The following AVL9 variants were observed in gnomAD, a reference collection of about 807,000 sequenced individuals.
The protein encoded by AVL9 is AVL9 cell migration associated.
A neutral mutation model predicts 79.2 loss-of-function variants in AVL9; 49 were observed. That is an observed-to-expected ratio of 0.62 (90% CI 0.49 to 0.79). The LOEUF is 0.79. Ranked by LOEUF, AVL9 falls within the 30% of genes least tolerant of loss-of-function variation. The pLI, the probability that AVL9 is intolerant of heterozygous loss-of-function variation, is 0.00. For synonymous variants in AVL9, 299 were observed against 280.6 expected (o/e 1.07, Z -0.65); for missense variants, 682 against 776.8 (o/e 0.88, Z 1.45).
intron 1 of AVL9, among the ~76,000 whole-genome samples, chr7:32,526,367 A>G (rs1185951602): frequency 2.0e-5 from 3 of 152,210 alleles, no homozygotes; most frequent in African/African-American, 4.8e-5. Context: ...GCTCCAGTTC[A>G]TAACCACTTG....
intron 1 of AVL9, among the ~76,000 whole-genome samples, chr7:32,506,951 T>C (rs1195999960): frequency 6.6e-6 from 1 of 152,140 alleles, no homozygotes; most frequent in Non-Finnish European, 1.5e-5. Context: ...TGAACATTGA[T>C]GCAAAAATCC....
At chr7:32,539,980 G>C (rs1789101992) in intron 1 of AVL9, among the ~76,000 whole-genome samples, 1 of 152,190 alleles carries the variant, frequency 6.6e-6, no homozygotes, top group Non-Finnish European at 1.5e-5. Flanking sequence ...CCTAGCTCAA[G>C]ATCCTTAATC....
Position 32,497,729 on chromosome 7 carries a change from A to G in AVL9, c.93+1927A>G, listed in dbSNP as rs535727912. 1.7e-3 allele frequency among the ~76,000 whole-genome samples: 250 copies of G among 149,508 alleles called. 4 individuals carry two copies. Among genetic ancestry groups the G allele is most frequent in the South Asian group, 8.9e-3 (42 of 4,734 alleles). On this transcript the variant is annotated intron_variant, in intron 1 of 15. Transcript: ENST00000318709. ...GGAGTGCAGTGGAGCTCGGCTCACT[A>G]CAAGCTCTGCCTCCTGGGTTCACAC...
At chr7:32,500,209 C>G (rs180800284) in intron 1 of AVL9, among the ~76,000 whole-genome samples, 1 of 152,268 alleles carries the variant, frequency 6.6e-6, no homozygotes, top group Admixed American at 6.5e-5. Context: ...ACACTTCCAT[C>G]AATAGTGTAA....
chr7:32,513,414 C>T (rs1175929109), intron 1 of AVL9, among the ~76,000 whole-genome samples: 1 of 152,208 alleles, frequency 6.6e-6, no homozygotes, highest in Non-Finnish European at 1.5e-5. Context: ...TACTTGGAGG[C>T]TTCATCTGCA....
chr7:32,585,459 T>TG lies in AVL9; in HGVS notation c.*1555dup, dbSNP rs1171323048. 1 of 152,196 alleles carries TG rather than the reference T, an allele frequency of 6.6e-6. No individual in the cohort carries two copies. The highest frequency in any genetic ancestry group is 1.5e-5 in the Non-Finnish European group (1 of 68,054). 9.4% of individuals were successfully genotyped at this position (152,196 alleles called of 1,614,324 possible). A position where few individuals can be genotyped will look rare whatever the true frequency, so the allele number is the denominator to read the frequency against. ...CTCTCATTTGCTTTTCAAGGATACC[T>TG]GGGATGGCTGTTCTCAGAGAGTACT... On this transcript the variant is annotated 3_prime_UTR_variant, in exon 16 of 16. Coordinates refer to ENST00000318709, the MANE Select transcript of AVL9 (RefSeq NM_015060.3).
chr7:32,571,155 C>A (rs1306662265), intron 11 of AVL9, among the ~76,000 whole-genome samples: 1 of 146,646 alleles, frequency 6.8e-6, no homozygotes, highest in Non-Finnish European at 1.5e-5. Context: ...TCACTTGAAC[C>A]TTGGAGGTGG....
rs773361016 is a variant in AVL9 at position 32,559,357 on chromosome 7, A to G, written c.1108A>G (p.Ile370Val). ...KDSVPSESLP[I>V]TVQPQANTGQ... The stretch of plus-strand genomic sequence containing the variant: ...CTCTGTCCCCTCAGAGAGTCTTCCA[A>G]TTACTGTACAACCTCAAGCTAATAC... Residue 370 changes from isoleucine (I) to valine (V), a missense_variant, in exon 10 of 16, where the codon ATT becomes GTT. Coordinates refer to ENST00000318709, the MANE Select transcript of AVL9 (RefSeq NM_015060.3). 7 of 1,613,990 alleles carry G rather than the reference A, an allele frequency of 4.3e-6. No homozygotes were observed. The highest frequency in any genetic ancestry group is 2.2e-5 in the East Asian group (1 of 44,886).
intron 1 of AVL9, among the ~76,000 whole-genome samples, chr7:32,510,647 A>G (rs1426631271): frequency 1.5e-5 from 2 of 134,936 alleles, no homozygotes; most frequent in African/African-American, 2.8e-5. Flanking sequence ...GAGGGAAACC[A>G]TCTCCCCAGG....
intron 10 of AVL9, among the ~76,000 whole-genome samples, chr7:32,567,599 TG>T (rs1324382161): frequency 3.3e-5 from 5 of 152,062 alleles, no homozygotes; most frequent in African/African-American, 4.8e-5. Flanking sequence ...TGTTTTCTTC[TG>T]GGGGTATTCT....
At chr7:32,568,614 T>G (rs1163483316) in intron 10 of AVL9, among the ~76,000 whole-genome samples, 1 of 152,220 alleles carries the variant, frequency 6.6e-6, no homozygotes. Flanking sequence ...AGTTTTTTGG[T>G]ATTGCATTTA....
At chr7:32,569,500 AAATATTTAGTAAC>A (rs1790728543) in intron 10 of AVL9, among the ~76,000 whole-genome samples, 1 of 152,234 alleles carries the variant, frequency 6.6e-6, no homozygotes, top group South Asian at 2.1e-4. Flanking sequence ...TTTTTGCTTT[AAATATTTAGTAAC>A]AAATATCTTG....
rs878973321 is a variant in AVL9 at position 32,551,488 on chromosome 7, G to A, written c.462+65G>A. The A allele has an allele frequency of 8.0e-6, 7 of 871,740 alleles. No individual in the cohort carries two copies. The Middle Eastern group carries it at 1.3e-3, about 168-fold the overall frequency. The allele number at this position is 871,740 out of a possible 1,614,324, so 54.0% of individuals were successfully genotyped here. A position where few individuals can be genotyped will look rare whatever the true frequency, so the allele number is the denominator to read the frequency against. On this transcript the variant is annotated intron_variant, in intron 5 of 15. Transcript: ENST00000318709. ...TAGACTCATGAATCAAGTAAATATTGTCAGTAATACTGTGAAGGATAATTA... is the reference window on the plus strand; with the variant it reads ...TAGACTCATGAATCAAGTAAATATTATCAGTAATACTGTGAAGGATAATTA...
At chr7:32,510,044 T>C (rs978792226) in intron 1 of AVL9, among the ~76,000 whole-genome samples, 9 of 152,256 alleles carry the variant, frequency 5.9e-5, no homozygotes, top group African/African-American at 2.2e-4. Flanking sequence ...ATCAGCCTTC[T>C]GGGAATCCAC....
intron 1 of AVL9, among the ~76,000 whole-genome samples, chr7:32,505,195 C>T (rs754956418): frequency 5.3e-5 from 8 of 151,554 alleles, no homozygotes; most frequent in Non-Finnish European, 7.4e-5. Context: ...TTTTATACTT[C>T]GTAATATATA....
chr7:32,546,733 G>C, intron 3 of AVL9, among the ~76,000 whole-genome samples: 1 of 152,090 alleles, frequency 6.6e-6, no homozygotes, highest in East Asian at 1.9e-4. Flanking sequence ...TGAGGCAGGA[G>C]AACTGCTTGA....
chr7:32,512,871 G>A (rs771011685), intron 1 of AVL9, among the ~76,000 whole-genome samples: 7 of 151,934 alleles, frequency 4.6e-5, no homozygotes, highest in Non-Finnish European at 8.8e-5. Context: ...GAATGAACTC[G>A]CTGATATCAC....
intron 1 of AVL9, among the ~76,000 whole-genome samples, chr7:32,527,910 G>A (rs76119308): frequency 0.023 from 3,545 of 152,132 alleles, 148 homozygotes; most frequent in African/African-American, 0.079. Flanking sequence ...ACTGGTTCAG[G>A]CCATGATGAG....
chr7:32,537,270 A>G (rs1385694317), intron 1 of AVL9: 1 of 152,166 alleles, frequency 6.6e-6, no homozygotes, highest in Non-Finnish European at 1.5e-5. Flanking sequence ...TACTCAGGAA[A>G]TTCCAAGGAT....
Sources: gnomAD v4.1 joint callset for allele counts (sites outside exome capture counted in the v4.1 genomes callset) on GRCh38, gnomAD v4.1.1 for gene constraint, MANE v1.5 for transcripts, NCBI Gene and HGNC (gene_info 2026-07-23, HGNC 2026-07-21) for gene names.